The following ARL13B variants were observed in gnomAD, a reference collection of about 807,000 sequenced individuals.
The protein encoded by ARL13B is ARF like GTPase 13B.
In ARL13B, 36 loss-of-function variants were observed where a neutral mutation model predicts 56.1. The ratio of observed to expected loss-of-function variants is 0.64; its 90% CI spans 0.49 to 0.85. The LOEUF is 0.85. ARL13B is among the 40% of genes least tolerant of loss of function. The pLI, the probability that ARL13B is intolerant of heterozygous loss-of-function variation, is 0.00. For synonymous variants in ARL13B, 178 were observed against 171.1 expected (o/e 1.04, Z -0.32); for missense variants, 519 against 507.1 (o/e 1.02, Z -0.23).
intron 6 of ARL13B, 140 bp from the exon 7 acceptor site, chr3:94,042,875 C>A: frequency 1.5e-6 from 1 of 673,216 alleles, no homozygotes; most frequent in South Asian, 2.1e-5. Flanking sequence ...ATGATGTATT[C>A]ATGAAATCAT....
rs1259459891 is a variant in ARL13B, at chr3:94,049,425, T to G, written c.1044T>G (p.Thr348=). The change falls in exon 8 of 10, where the codon ACT becomes ACG. Residue 348 remains threonine (T), a synonymous_variant. Transcript: ENST00000394222. ...TTGTAGCTAATGGTAAAAAGAAAAC[T>G]AAGAAACTAAGAATGAAAAGGAACC... ...SLESANGKKK[T]KKLRMKRNHR... is the part of the protein sequence containing the mutation. 1.2e-6 allele frequency: 2 copies of G among 1,605,558 alleles called. No homozygotes were observed. The highest frequency in any genetic ancestry group is 2.2e-5 in the South Asian group (2 of 89,138).
chr3:93,996,072 A>C (rs547481077), intron 2 of ARL13B, 128 bp downstream of exon 2: 79 of 968,052 alleles, frequency 8.2e-5, no homozygotes, highest in Admixed American at 2.7e-4. Context: ...TTATATTCTT[A>C]GTATATTTGT....
intron 3 of ARL13B, among the ~76,000 whole-genome samples, chr3:94,024,912 A>C (rs2076524925): frequency 6.6e-6 from 1 of 152,180 alleles, no homozygotes; most frequent in Non-Finnish European, 1.5e-5. Flanking sequence ...ATTAGAAATA[A>C]AGTAATCAAA....
intron 3 of ARL13B, among the ~76,000 whole-genome samples, chr3:94,019,439 C>T (rs775305679): frequency 2.0e-5 from 3 of 152,084 alleles, no homozygotes; most frequent in African/African-American, 4.8e-5. Flanking sequence ...TCATGATCCG[C>T]CCATCTTGGC....
intron 2 of ARL13B, among the ~76,000 whole-genome samples, chr3:94,001,425 C>G (rs1454026077): frequency 6.6e-6 from 1 of 152,098 alleles, no homozygotes; most frequent in Non-Finnish European, 1.5e-5. Flanking sequence ...ATATAGTTCT[C>G]CCTTCTCTGT....
intron 2 of ARL13B, among the ~76,000 whole-genome samples, chr3:94,001,739 A>G (rs978622472): frequency 2.0e-5 from 3 of 152,154 alleles, no homozygotes; most frequent in African/African-American, 7.2e-5. Flanking sequence ...TGTTTGATAC[A>G]TGTTAGTTCC....
rs1234828309 is a variant in ARL13B, at chr3:94,049,483, GCTC to G, written c.1105_1107del (p.Pro369del). On this transcript the variant is annotated inframe_deletion, in exon 8 of 10. Coordinates refer to ENST00000394222, the MANE Select transcript of ARL13B (RefSeq NM_001174150.2). Reference sequence around the variant, plus strand: ...AGAACCACTTAATATAGATGACTGTGCTCCTGAGAGTCCAACGCCACCCCCACC... The same window carrying G: ...AGAACCACTTAATATAGATGACTGTGCTGAGAGTCCAACGCCACCCCCACC... The G allele has an allele frequency of 1.9e-6, 3 of 1,611,602 alleles. No homozygotes were observed. In the South Asian group the frequency reaches 3.3e-5, roughly 18 times the overall value.
chr3:94,009,700 C>T (rs2076192132), intron 3 of ARL13B, among the ~76,000 whole-genome samples: 1 of 152,034 alleles, frequency 6.6e-6, no homozygotes, highest in African/African-American at 2.4e-5. Context: ...TAAGATTTCT[C>T]TCCTTTCAGT....
intron 3 of ARL13B, among the ~76,000 whole-genome samples, chr3:94,010,719 G>A (rs907896484): frequency 6.6e-6 from 1 of 151,960 alleles, no homozygotes; most frequent in Non-Finnish European, 1.5e-5. Context: ...AACGGTTTCT[G>A]ATACATTGCT....
intron 3 of ARL13B, among the ~76,000 whole-genome samples, chr3:94,019,533 TCTC>T (rs1448678536): frequency 6.6e-6 from 1 of 152,078 alleles, no homozygotes; most frequent in Non-Finnish European, 1.5e-5. Context: ...TTAACGATAG[TCTC>T]CTAAGTGTTC....
chr3:93,985,335 A>G (rs1299833434), intron 1 of ARL13B, among the ~76,000 whole-genome samples: 1 of 152,188 alleles, frequency 6.6e-6, no homozygotes, highest in African/African-American at 2.4e-5. Flanking sequence ...CCTGTTATTT[A>G]TAACATAGCA....
chr3:94,020,447 T>A (rs1036746626), intron 3 of ARL13B, among the ~76,000 whole-genome samples: 1 of 152,148 alleles, frequency 6.6e-6, no homozygotes, highest in South Asian at 2.1e-4. Flanking sequence ...TATACGACAG[T>A]ATAGCATACT....
intron 1 of ARL13B, among the ~76,000 whole-genome samples, chr3:93,992,913 C>T (rs1213260271): frequency 2.0e-5 from 3 of 152,000 alleles, no homozygotes; most frequent in African/African-American, 7.2e-5. Flanking sequence ...CGCAGCTCAG[C>T]CTCCCAGGTA....
intron 1 of ARL13B, among the ~76,000 whole-genome samples, chr3:93,991,206 A>G (rs561196749): frequency 1.8e-4 from 28 of 152,286 alleles, no homozygotes; most frequent in African/African-American, 5.3e-4. Context: ...CTGTAAACCT[A>G]AGAGTACTGT....
chr3:93,984,395 C>G (rs1290040252), intron 1 of ARL13B, among the ~76,000 whole-genome samples: 1 of 151,902 alleles, frequency 6.6e-6, no homozygotes, highest in Non-Finnish European at 1.5e-5. Context: ...AATACATTGA[C>G]TATTTATTAA....
At position 94,036,757 on chromosome 3, in the gene ARL13B, A is replaced by G; in HGVS notation, c.689+3A>G. ...GTGCGAAAATTACGAGAAGAAAGGT[A>G]AGTAGATTAATTTTGTACCACAGTG... On this transcript the variant is annotated splice_donor_region_variant and intron_variant, in intron 5 of 9. Coordinates refer to ENST00000394222, the MANE Select transcript of ARL13B (RefSeq NM_001174150.2). 1.9e-6 allele frequency: 3 copies of G among 1,605,936 alleles called. No individual in the cohort carries two copies. Among genetic ancestry groups the G allele is most frequent in the Non-Finnish European group, 2.6e-6 (3 of 1,175,788 alleles).
chr3:94,035,538 T>C, intron 4 of ARL13B, 102 bp downstream of exon 4: 1 of 767,836 alleles, frequency 1.3e-6, no homozygotes, highest in Non-Finnish European at 2.1e-6. Flanking sequence ...AAGGCAATGT[T>C]TTCAAAGAAT....
intron 7 of ARL13B, 135 bp from the exon 8 acceptor site, chr3:94,049,271 G>T (rs189290558): frequency 1.9e-6 from 1 of 532,144 alleles, no homozygotes; most frequent in East Asian, 3.1e-5. Flanking sequence ...TTTGGTTATT[G>T]TAACAATTTC....
chr3:94,039,592 A>G (rs2076828085), intron 5 of ARL13B, among the ~76,000 whole-genome samples: 1 of 152,140 alleles, frequency 6.6e-6, no homozygotes, highest in African/African-American at 2.4e-5. Flanking sequence ...TAAGTTGATC[A>G]GTAATACCCT....
Sources: allele counts gnomAD v4.1 joint callset (sites outside exome capture counted in the v4.1 genomes callset), GRCh38; gene constraint gnomAD v4.1.1; transcripts MANE v1.5; gene names NCBI Gene and HGNC (gene_info 2026-07-23, HGNC 2026-07-21).